Variants in ATP8A2 observed in about 807,000 individuals in gnomAD.
ATP8A2 encodes phospholipid-transporting ATPase IB.
Under a neutral mutation model 165.6 loss-of-function variants are expected in ATP8A2, and 100 were observed. The observed-to-expected ratio is 0.60, with a 90% CI of 0.51 to 0.71. The LOEUF (loss-of-function observed/expected upper bound fraction) is 0.71. Ranked by LOEUF, ATP8A2 falls within the 30% of genes least tolerant of loss-of-function variation. The pLI, the probability that ATP8A2 is intolerant of heterozygous loss-of-function variation, is 0.00. For missense variants in ATP8A2, 1,227 were observed against 1,479.5 expected (o/e 0.83, Z 2.80); for synonymous variants, 543 against 548.8 (o/e 0.99, Z 0.15).
intron 1 of ATP8A2, among the ~76,000 whole-genome samples, chr13:25,435,781 A>G (rs756361702): frequency 6.6e-6 from 1 of 152,186 alleles, no homozygotes; most frequent in Non-Finnish European, 1.5e-5. Flanking sequence ...CATAAGGAAA[A>G]TATAATGTAG....
In ATP8A2 at chr13:25,839,576, G is replaced by T; in HGVS notation, c.2908G>T (p.Val970Phe). The T allele has an allele frequency of 6.2e-7, 1 of 1,614,066 alleles. No individual in the cohort carries two copies. Among genetic ancestry groups the T allele is most frequent in the Non-Finnish European group, 8.5e-7 (1 of 1,179,982 alleles). Residue 970 changes from valine (V) to phenylalanine (F), a missense_variant, in exon 30 of 37, where the codon GTC becomes TTC. By Grantham distance (50) the Val-to-Phe change is conservative. Coordinates refer to ENST00000381655, the MANE Select transcript of ATP8A2 (RefSeq NM_016529.6). ...CTGGGGTCACTGCATCAACGCCTTG[G>T]TCCACTCCCTCATCCTCTTCTGGTT... ...VFWGHCINAL[V>F]HSLILFWFPM...
chr13:25,875,053 A>G (rs1952789395), intron 33 of ATP8A2, among the ~76,000 whole-genome samples: 1 of 151,782 alleles, frequency 6.6e-6, no homozygotes, highest in African/African-American at 2.4e-5. Context: ...TATAGTGAGT[A>G]CTCGTAGAGA....
intron 1 of ATP8A2, among the ~76,000 whole-genome samples, chr13:25,386,803 C>G (rs2033063477): frequency 1.3e-5 from 2 of 152,120 alleles, no homozygotes; most frequent in Non-Finnish European, 2.9e-5. Flanking sequence ...CGAGACCAAT[C>G]TGGCTAACAC....
chr13:25,585,883 C>T (rs2138269522), intron 23 of ATP8A2, among the ~76,000 whole-genome samples: 1 of 152,224 alleles, frequency 6.6e-6, no homozygotes, highest in African/African-American at 2.4e-5. Context: ...GCCAGGTGCT[C>T]CACTATAAGC....
chr13:25,610,389 T>C (rs1257108711), intron 24 of ATP8A2, among the ~76,000 whole-genome samples: 2 of 152,202 alleles, frequency 1.3e-5, no homozygotes, highest in African/African-American at 4.8e-5. Context: ...TCCCACTTTA[T>C]GTTTTTCTTT....
intron 24 of ATP8A2, among the ~76,000 whole-genome samples, chr13:25,697,293 T>A (rs1428760006): frequency 6.6e-6 from 1 of 152,076 alleles, no homozygotes; most frequent in Non-Finnish European, 1.5e-5. Context: ...GTTGTTGTTG[T>A]TTTTGAGACG....
At chr13:25,514,164 T>G (rs1348421856) in intron 2 of ATP8A2, among the ~76,000 whole-genome samples, 1 of 152,228 alleles carries the variant, frequency 6.6e-6, no homozygotes, top group African/African-American at 2.4e-5. Flanking sequence ...ATATTTTAGT[T>G]AGGCTAGCGT....
At chr13:25,963,877 T>A (rs1955717566) in intron 34 of ATP8A2, among the ~76,000 whole-genome samples, 1 of 152,224 alleles carries the variant, frequency 6.6e-6, no homozygotes. Context: ...CCTGGCACTA[T>A]AAAATTAGCA....
intron 25 of ATP8A2, among the ~76,000 whole-genome samples, chr13:25,757,249 G>A (rs1229153473): frequency 6.6e-6 from 1 of 152,158 alleles, no homozygotes; most frequent in Non-Finnish European, 1.5e-5. Flanking sequence ...CACTGTGGGA[G>A]GATGGCCATA....
At chr13:25,572,849 T>C (rs1330346142) in intron 18 of ATP8A2, among the ~76,000 whole-genome samples, 1 of 152,234 alleles carries the variant, frequency 6.6e-6, no homozygotes, top group Non-Finnish European at 1.5e-5. Context: ...AATGGTATAA[T>C]AACTTCGTAT....
At chr13:25,657,683 TG>T (rs1223595379) in intron 24 of ATP8A2, among the ~76,000 whole-genome samples, 1 of 152,242 alleles carries the variant, frequency 6.6e-6, no homozygotes, top group Middle Eastern at 3.2e-3. Context: ...ACACAAATGT[TG>T]GTGTTAAACA....
rs900716168 is a variant in ATP8A2 at position 26,024,711 on chromosome 13, C to G, written c.*4726C>G. 122 of 152,252 alleles carry G rather than the reference C, an allele frequency of 8.0e-4. 2 individuals carry two copies. Among genetic ancestry groups the G allele is most frequent in the African/African-American group, 2.8e-3 (118 of 41,534 alleles). The allele number at this position is 152,252 out of a possible 1,614,324, so 9.4% of individuals were successfully genotyped here. ...CGGGCTCTAGTTGCCTTTGAGATATCCACTCTGCTCTTTCTCCCAGGCCTC... is the reference window on the plus strand; with the variant it reads ...CGGGCTCTAGTTGCCTTTGAGATATGCACTCTGCTCTTTCTCCCAGGCCTC... On this transcript the variant is annotated 3_prime_UTR_variant, in exon 37 of 37. Coordinates refer to ENST00000381655, the MANE Select transcript of ATP8A2 (RefSeq NM_016529.6).
At chr13:25,978,801 T>A (rs572811576) in intron 35 of ATP8A2, among the ~76,000 whole-genome samples, 2 of 151,974 alleles carry the variant, frequency 1.3e-5, no homozygotes, top group South Asian at 2.1e-4. Context: ...TTAGCCGGGC[T>A]TGGTGGCGGG....
chr13:25,936,120 C>T (rs752241247), intron 33 of ATP8A2, among the ~76,000 whole-genome samples: 11 of 152,180 alleles, frequency 7.2e-5, no homozygotes, highest in Non-Finnish European at 1.2e-4. Context: ...GTCACTCCCA[C>T]CCTTCAAAGT....
chr13:25,474,140 C>G (rs1277314016), intron 2 of ATP8A2, among the ~76,000 whole-genome samples: 1 of 152,226 alleles, frequency 6.6e-6, no homozygotes, highest in Non-Finnish European at 1.5e-5. Flanking sequence ...AACTTCATTA[C>G]AGTGGTAACT....
intron 25 of ATP8A2, among the ~76,000 whole-genome samples, chr13:25,722,897 C>A (rs116579887): frequency 2.0e-5 from 3 of 152,066 alleles, no homozygotes; most frequent in Non-Finnish European, 4.4e-5. Flanking sequence ...CTTATTTGCT[C>A]CATAATCAAG....
At chr13:25,646,118 A>G (rs1243445730) in intron 24 of ATP8A2, among the ~76,000 whole-genome samples, 2 of 152,168 alleles carry the variant, frequency 1.3e-5, no homozygotes, top group African/African-American at 4.8e-5. Context: ...GTGTATTTAC[A>G]ATTGATATAT....
intron 24 of ATP8A2, among the ~76,000 whole-genome samples, chr13:25,654,774 A>G (rs75755654): frequency 0.034 from 5,239 of 152,226 alleles, 156 homozygotes; most frequent in East Asian, 0.13. Context: ...AGTCCCCCCA[A>G]GTCTTCCTGT....
chr13:25,921,129 G>A (rs1954440966), intron 33 of ATP8A2, among the ~76,000 whole-genome samples: 1 of 152,104 alleles, frequency 6.6e-6, no homozygotes, highest in South Asian at 2.1e-4. Context: ...TTCCTTCCTT[G>A]TAGCCTGAGA....
Sources: allele counts gnomAD v4.1 joint callset (sites outside exome capture counted in the v4.1 genomes callset), GRCh38; gene constraint gnomAD v4.1.1; transcripts MANE v1.5; gene names NCBI Gene and HGNC (gene_info 2026-07-23, HGNC 2026-07-21).